Variants in GABRA5 observed in about 807,000 individuals in gnomAD.
GABRA5 encodes gamma-aminobutyric acid type A receptor subunit alpha5.
GABRA5 carries 18 observed loss-of-function variants against 47.3 expected under a neutral mutation model. The ratio of observed to expected loss-of-function variants is 0.38; its 90% CI spans 0.26 to 0.56. The LOEUF is 0.56. Ranked by LOEUF, GABRA5 falls within the 20% of genes least tolerant of loss-of-function variation. The pLI, the probability that GABRA5 is intolerant of heterozygous loss-of-function variation, is 0.71. For synonymous variants in GABRA5, 237 were observed against 229.3 expected, an observed-to-expected ratio of 1.03 and a Z score of -0.30; for missense variants, 365 against 599.3, an observed-to-expected ratio of 0.61 and a Z score of 4.08.
chr15:26,916,876 A>G (rs1893727843), intron 7 of GABRA5, among the ~76,000 whole-genome samples: 1 of 152,032 alleles, frequency 6.6e-6, no homozygotes, highest in South Asian at 2.1e-4. Flanking sequence ...CAGATAGTTC[A>G]TTGTTAATAT....
At chr15:26,926,034 C>T (rs1301139098) in intron 7 of GABRA5, among the ~76,000 whole-genome samples, 5 of 152,198 alleles carry the variant, frequency 3.3e-5, no homozygotes, top group African/African-American at 1.2e-4. Flanking sequence ...GATTTTGCAC[C>T]TCACTCTCCA....
intron 6 of GABRA5, among the ~76,000 whole-genome samples, chr15:26,900,079 C>T (rs550821230): frequency 3.3e-5 from 5 of 151,970 alleles, no homozygotes; most frequent in South Asian, 2.1e-4. Context: ...GGTTACCCTG[C>T]GGAATAAAAT....
chr15:26,909,887 G>T (rs1387600006), intron 6 of GABRA5, among the ~76,000 whole-genome samples: 1 of 152,190 alleles, frequency 6.6e-6, no homozygotes, highest in Admixed American at 6.5e-5. Context: ...GCCTGCCACT[G>T]TCACACCTAC....
chr15:26,890,879 T>A (rs1892990034), intron 6 of GABRA5, among the ~76,000 whole-genome samples: 1 of 152,102 alleles, frequency 6.6e-6, no homozygotes, highest in African/African-American at 2.4e-5. Context: ...AATGAGGCCA[T>A]CTCACCACCC....
intron 6 of GABRA5, among the ~76,000 whole-genome samples, chr15:26,902,744 C>A: frequency 6.6e-6 from 1 of 152,052 alleles, no homozygotes; most frequent in East Asian, 1.9e-4. Context: ...CTTTTAATTT[C>A]TCACTATTAA....
At position 26,904,263 on chromosome 15, in the gene GABRA5, A is replaced by G. The variant is rs566407964; in HGVS notation, c.498-10540A>G. Among the ~76,000 whole-genome samples, 14 of 152,248 alleles carry G rather than the reference A, an allele frequency of 9.2e-5. No homozygotes were observed. The South Asian group carries it at 1.2e-3, about 14-fold the overall frequency. On this transcript the variant is annotated intron_variant, in intron 6 of 10. Coordinates refer to ENST00000335625, the MANE Select transcript of GABRA5 (RefSeq NM_000810.4). ...ATTTTTGTCAGTTGTATTGAAAATC[A>G]GATGGTTGTAGGTGTGTGGCCTTAT... is the stretch of plus-strand genomic sequence containing the variant.
In GABRA5 at chr15:26,883,658, T is replaced by A; in HGVS notation, c.497+101T>A. The A allele has an allele frequency of 2.1e-6, 2 of 945,154 alleles. No individual in the cohort carries two copies. Among genetic ancestry groups the A allele is most frequent in the Non-Finnish European group, 3.0e-6 (2 of 658,174 alleles). The allele number at this position is 945,154 out of a possible 1,614,324, so 58.5% of individuals were successfully genotyped here. ...CTGCGCCGCGGAGCTGTTCTGACCATAGGTCTGAGACTGCGGCGCGTGTGT... is the reference window on the plus strand; with the variant it reads ...CTGCGCCGCGGAGCTGTTCTGACCAAAGGTCTGAGACTGCGGCGCGTGTGT... On this transcript the variant is annotated intron_variant, in intron 6 of 10. Coordinates refer to ENST00000335625, the MANE Select transcript of GABRA5 (RefSeq NM_000810.4). This position sits in a 1 kb window ranked among gnomAD's most constrained non-coding sequence, Gnocchi z 4.8.
At chr15:26,890,426 A>ATTTTTTTTTTTTTTTTTTTTT (rs201726196) in intron 6 of GABRA5, among the ~76,000 whole-genome samples, 1 of 128,584 alleles carries the variant, frequency 7.8e-6, no homozygotes, top group Non-Finnish European at 1.6e-5. Context: ...AGTCACTTCA[A>ATTTTTTTTTTTTTTTTTTTTT]TTTTTTTTTT....
chr15:26,914,154 G>A (rs948413579), intron 6 of GABRA5, among the ~76,000 whole-genome samples: 1 of 152,074 alleles, frequency 6.6e-6, no homozygotes, highest in Non-Finnish European at 1.5e-5. Flanking sequence ...TGGAAGACTA[G>A]GCCTGGATTA....
chr15:26,909,485 A>G (rs576436173), intron 6 of GABRA5, among the ~76,000 whole-genome samples: 7 of 152,270 alleles, frequency 4.6e-5, no homozygotes, highest in Admixed American at 1.3e-4. Flanking sequence ...AAACACAACA[A>G]AGTTATTGTC....
chr15:26,945,983 C>G (rs545543534), intron 10 of GABRA5, among the ~76,000 whole-genome samples: 1 of 152,266 alleles, frequency 6.6e-6, no homozygotes, highest in East Asian at 1.9e-4. Context: ...CATGAGCTCT[C>G]AGTGATGGTG....
chr15:26,914,941 C>A, intron 7 of GABRA5, 56 bp downstream of exon 7: 1 of 1,377,826 alleles, frequency 7.3e-7, no homozygotes, highest in Admixed American at 1.7e-5. Flanking sequence ...ATCAATTCCA[C>A]ATTTATTCAG....
intron 9 of GABRA5, among the ~76,000 whole-genome samples, chr15:26,941,166 G>A (rs982114139): frequency 2.0e-4 from 30 of 152,172 alleles, no homozygotes; most frequent in Non-Finnish European, 4.3e-4. Flanking sequence ...GCGAGCATCA[G>A]GATTGTTTCA....
At chr15:26,934,856 A>T (rs7175098) in intron 7 of GABRA5, among the ~76,000 whole-genome samples, 70,769 of 152,018 alleles carry the variant, frequency 0.47, 16,725 homozygotes, top group East Asian at 0.67. Context: ...AGGAGAGGAC[A>T]GGCAGGGTCA....
intron 7 of GABRA5, among the ~76,000 whole-genome samples, chr15:26,924,174 T>C (rs1418927390): frequency 2.0e-5 from 3 of 151,006 alleles, no homozygotes; most frequent in African/African-American, 4.9e-5. Context: ...TTTTTTTTTT[T>C]TCTCACTGCT....
chr15:26,902,827 T>G (rs138077059), intron 6 of GABRA5, among the ~76,000 whole-genome samples: 4,892 of 152,218 alleles, frequency 0.032, 282 homozygotes, highest in African/African-American at 0.11. Context: ...ATATTCCCAA[T>G]TTACTGAAAG....
rs2140239590 is a variant in GABRA5, at chr15:26,869,299, CT to C, written c.55del (p.Cys19ValfsTer4). Reference protein sequence around the residue: ...GFIMIKNLLLFCISMNLSSHF... With the variant: ...GFIMIKNLLLXCISMNLSSHF... ...TTATCATGATCAAAAACCTCCTTCT[CT>C]TTTGTATTTCCATGAACTTATCCAG... On this transcript the variant is annotated frameshift_variant, in exon 3 of 11. Coordinates refer to ENST00000335625, the MANE Select transcript of GABRA5 (RefSeq NM_000810.4). LOFTEE classifies it high-confidence loss of function. 6.2e-7 allele frequency: 1 copy of C among 1,609,602 alleles called. No homozygotes were observed. The highest frequency in any genetic ancestry group is 8.5e-7 in the Non-Finnish European group (1 of 1,175,944).
rs1566877398 is a variant in GABRA5 at position 26,911,398 on chromosome 15, A to ACACACAC, written c.498-3405_498-3404insCACACAC. Among the ~76,000 whole-genome samples, 284 of 96,812 alleles carry ACACACAC rather than the reference A, an allele frequency of 2.9e-3. 1 individual carries two copies. The highest frequency in any genetic ancestry group is 0.012 in the East Asian group (25 of 2,108). 63.5% of individuals were successfully genotyped at this position (96,812 alleles called of 152,430 possible). A position where few individuals can be genotyped will look rare whatever the true frequency, so the allele number is the denominator to read the frequency against. ...ACACACACACACACACACACACACA[A>ACACACAC]ACACACACACTCCTGCAATATGCTA... is the stretch of plus-strand genomic sequence containing the variant. On this transcript the variant is annotated intron_variant, in intron 6 of 10. Coordinates refer to ENST00000335625, the MANE Select transcript of GABRA5 (RefSeq NM_000810.4).
At chr15:26,900,866 C>A (rs1893311237) in intron 6 of GABRA5, among the ~76,000 whole-genome samples, 1 of 152,100 alleles carries the variant, frequency 6.6e-6, no homozygotes, top group Admixed American at 6.6e-5. Context: ...TTTTATCCCT[C>A]TCTCCCCTGA....
Sources: gnomAD v4.1 joint callset for allele counts (sites outside exome capture counted in the v4.1 genomes callset) on GRCh38, gnomAD v4.1.1 for gene constraint, Gnocchi (gnomAD v3.1) non-coding constraint, MANE v1.5 for transcripts, NCBI Gene and HGNC (gene_info 2026-07-23, HGNC 2026-07-21) for gene names.